SMC1B: variants seen among roughly 807,000 people sequenced by gnomAD.
The protein encoded by SMC1B is structural maintenance of chromosomes 1B, also known as structural maintenance of chromosomes protein 1B.
Under a neutral mutation model 157.9 loss-of-function variants are expected in SMC1B, and 60 were observed. The observed-to-expected ratio is 0.38, with a 90% CI of 0.31 to 0.47. The LOEUF (loss-of-function observed/expected upper bound fraction) is 0.47. SMC1B is among the 20% of genes least tolerant of loss of function. The pLI, the probability that SMC1B is intolerant of heterozygous loss-of-function variation, is 0.99. For missense variants in SMC1B, 1,165 were observed against 1,426.2 expected (o/e 0.82, Z 2.95); for synonymous variants, 445 against 483.0 (o/e 0.92, Z 1.03).
intron 10 of SMC1B, among the ~76,000 whole-genome samples, chr22:45,387,964 G>C (rs9614655): frequency 2.6e-5 from 4 of 151,564 alleles, no homozygotes; most frequent in Non-Finnish European, 5.9e-5. Context: ...CCCGGGAGGC[G>C]GAGGTTGCAG....
At chr22:45,409,712 C>G (rs990750237) in intron 1 of SMC1B, among the ~76,000 whole-genome samples, 5 of 152,020 alleles carry the variant, frequency 3.3e-5, no homozygotes, top group African/African-American at 1.2e-4. Context: ...AGGCTTGATA[C>G]TGTTATCTTT....
intron 9 of SMC1B, among the ~76,000 whole-genome samples, chr22:45,393,239 T>C (rs1029569279): frequency 6.6e-6 from 1 of 152,128 alleles, no homozygotes; most frequent in African/African-American, 2.4e-5. Context: ...AGAATAAAAA[T>C]ATGCCAATGA....
intron 12 of SMC1B, among the ~76,000 whole-genome samples, chr22:45,372,767 CAGTGGCACAATCTT>C (rs1364161954): frequency 7.3e-6 from 1 of 136,940 alleles, no homozygotes; most frequent in Non-Finnish European, 1.5e-5. Context: ...GACTGGAGTG[CAGTGGCACAATCTT>C]GGCTCACTGC....
At chr22:45,351,742 G>A (rs2086617588) in intron 22 of SMC1B, among the ~76,000 whole-genome samples, 1 of 152,092 alleles carries the variant, frequency 6.6e-6, no homozygotes, top group African/African-American at 2.4e-5. Flanking sequence ...TAGACACGGG[G>A]TCTCACTATG....
In SMC1B at chr22:45,409,611, A is replaced by AAAC. The variant is rs1555935134; in HGVS notation, c.110-714_110-713insGTT. On this transcript the variant is annotated intron_variant, in intron 1 of 24. Coordinates refer to ENST00000357450, the MANE Select transcript of SMC1B (RefSeq NM_148674.5). ...AAATAAATAAATAAATAAATAAATA[A>AAAC]AAACAAGAGAAGCTAACTAAATCCA... Among the ~76,000 whole-genome samples the AAAC allele has an allele frequency of 5.9e-4, 23 of 38,808 alleles. No individual in the cohort carries two copies. In the African/African-American group the frequency reaches 7.4e-3, roughly 12 times the overall value. 25.5% of individuals were successfully genotyped at this position (38,808 alleles called of 152,430 possible). A position where few individuals can be genotyped will look rare whatever the true frequency, so the allele number is the denominator to read the frequency against.
chr22:45,390,659 C>T (rs1469944462), intron 9 of SMC1B, among the ~76,000 whole-genome samples: 1 of 149,348 alleles, frequency 6.7e-6, no homozygotes, highest in African/African-American at 2.5e-5. Flanking sequence ...GAGCCGAGAT[C>T]ATGCCACTGC....
intron 12 of SMC1B, among the ~76,000 whole-genome samples, chr22:45,378,596 T>C (rs935749407): frequency 2.6e-5 from 4 of 152,176 alleles, no homozygotes; most frequent in African/African-American, 7.2e-5. Context: ...TCTGCTGAAA[T>C]GTTCCACTAT....
chr22:45,362,004 A>C lies in SMC1B; in HGVS notation c.2563-20T>G, dbSNP rs1163860392. ...TTCAGCCTGAACAGAGAGGATCTGCATTGTAGATTTACTATCTTTTATATT... is the reference window on the plus strand; with the variant it reads ...TTCAGCCTGAACAGAGAGGATCTGCCTTGTAGATTTACTATCTTTTATATT... On this transcript the variant is annotated intron_variant, in intron 16 of 24. Coordinates refer to ENST00000357450, the MANE Select transcript of SMC1B (RefSeq NM_148674.5). 1 of 1,601,040 alleles carries C rather than the reference A, an allele frequency of 6.2e-7. No homozygotes were observed. Among genetic ancestry groups the C allele is most frequent in the Non-Finnish European group, 8.5e-7 (1 of 1,175,956 alleles).
At chr22:45,372,481 G>C (rs6007001) in intron 12 of SMC1B, among the ~76,000 whole-genome samples, 189 bp from the exon 13 acceptor site, 2,779 of 152,130 alleles carry the variant, frequency 0.018, 82 homozygotes, top group African/African-American at 0.064. Flanking sequence ...ATGCCATACA[G>C]CTTCCTCAAA....
chr22:45,374,460 T>G (rs994197067), intron 12 of SMC1B, among the ~76,000 whole-genome samples: 1 of 152,266 alleles, frequency 6.6e-6, no homozygotes, highest in South Asian at 2.1e-4. Flanking sequence ...TTAGTAAAAA[T>G]GGAAAACTGG....
At chr22:45,392,594 C>T (rs923974212) in intron 9 of SMC1B, among the ~76,000 whole-genome samples, 1 of 151,776 alleles carries the variant, frequency 6.6e-6, no homozygotes, top group Non-Finnish European at 1.5e-5. Context: ...TCGAAACCAA[C>T]ATTTAGGAGT....
At chr22:45,379,390 C>G (rs1340092036) in intron 12 of SMC1B, among the ~76,000 whole-genome samples, 3 of 152,236 alleles carry the variant, frequency 2.0e-5, no homozygotes, top group Non-Finnish European at 4.4e-5. Context: ...CTCATGTTTA[C>G]CGTAATCACT....
At chr22:45,402,717 C>T (rs151205250) in intron 4 of SMC1B, 146 bp from the exon 5 acceptor site, 12 of 696,108 alleles carry the variant, frequency 1.7e-5, no homozygotes, top group South Asian at 3.6e-5. Flanking sequence ...CATAATTTGG[C>T]GAGGGTTTCT....
intron 1 of SMC1B, among the ~76,000 whole-genome samples, chr22:45,411,205 G>GATGA (rs10632398): frequency 0.61 from 92,382 of 151,640 alleles, 30,154 homozygotes; most frequent in African/African-American, 0.85. Context: ...ACTATCAACT[G>GATGA]ATGGATAAAC....
Position 45,389,787 on chromosome 22 carries a change from T to A in SMC1B, c.1656A>T (p.Val552=). The A allele has an allele frequency of 6.2e-7, 1 of 1,614,140 alleles. No homozygotes were observed. The highest frequency in any genetic ancestry group is 2.2e-5 in the East Asian group (1 of 44,864). The part of the protein sequence containing the change: ...ITAIVVASEK[V]AKDCIRFLKE... The stretch of plus-strand genomic sequence containing the variant: ...TCAGAAATCGAATACAATCTTTTGC[T>A]ACCTTTTCAGAGGCTACAACAATGG... The change falls in exon 10 of 25, where the codon GTA becomes GTT. Residue 552 remains valine, a synonymous_variant. Transcript: ENST00000357450.
At chr22:45,345,427 G>C (rs1308175472) in intron 24 of SMC1B, 32 bp downstream of exon 24, 1 of 1,442,812 alleles carries the variant, frequency 6.9e-7, no homozygotes, top group East Asian at 2.3e-5. Flanking sequence ...TTGGCATTGG[G>C]TACACTCCTC....
intron 12 of SMC1B, among the ~76,000 whole-genome samples, chr22:45,383,133 C>A (rs1384172233): frequency 4.9e-5 from 7 of 143,398 alleles, no homozygotes; most frequent in African/African-American, 7.5e-5. Flanking sequence ...AACTCTGTCT[C>A]AAAAAAAAAA....
At chr22:45,380,660 A>G (rs892530025) in intron 12 of SMC1B, among the ~76,000 whole-genome samples, 1 of 152,078 alleles carries the variant, frequency 6.6e-6, no homozygotes, top group African/African-American at 2.4e-5. Flanking sequence ...GCTTATACCT[A>G]TAATTCCAGC....
intron 18 of SMC1B, among the ~76,000 whole-genome samples, chr22:45,359,084 A>G (rs954021447): frequency 1.9e-4 from 29 of 152,344 alleles, no homozygotes; most frequent in South Asian, 6.2e-4. Flanking sequence ...ACAAAAACAA[A>G]AAAACCCCTG....
Sources: allele counts gnomAD v4.1 joint callset (sites outside exome capture counted in the v4.1 genomes callset), GRCh38; gene constraint gnomAD v4.1.1; transcripts MANE v1.5; gene names NCBI Gene and HGNC (gene_info 2026-07-23, HGNC 2026-07-21).